CFAP45: variants seen among roughly 807,000 people sequenced by gnomAD.
CFAP45 encodes cilia and flagella associated protein 45.
A neutral mutation model predicts 75.6 loss-of-function variants in CFAP45; 43 were observed. The ratio of observed to expected loss-of-function variants is 0.57; its 90% CI spans 0.45 to 0.73. The LOEUF (loss-of-function observed/expected upper bound fraction) is 0.73. CFAP45 is among the 30% of genes least tolerant of loss of function. The pLI is 0.00. For missense variants in CFAP45, 689 were observed against 701.5 expected (o/e 0.98, Z 0.20); for synonymous variants, 223 against 244.6 (o/e 0.91, Z 0.82).
At chr1:159,874,005 C>A (rs768301912) in intron 10 of CFAP45, among the ~76,000 whole-genome samples, 3 of 151,748 alleles carry the variant, frequency 2.0e-5, no homozygotes, top group African/African-American at 4.8e-5. Flanking sequence ...CAGTTCTCTT[C>A]CTGATCCACC....
intron 4 of CFAP45, 70 bp downstream of exon 4, chr1:159,888,282 T>G: frequency 3.3e-5 from 50 of 1,501,108 alleles, no homozygotes; most frequent in Non-Finnish European, 4.5e-5. Flanking sequence ...GGTCCCCTGA[T>G]GAGAGTTCCC....
chr1:159,884,741 C>T (rs1446156782), intron 6 of CFAP45, among the ~76,000 whole-genome samples, 176 bp from the exon 7 acceptor site: 1 of 152,136 alleles, frequency 6.6e-6, no homozygotes, highest in Non-Finnish European at 1.5e-5. Context: ...CCAGGAAGGA[C>T]CTCAAGGGTT....
chr1:159,888,544 AG>A (rs777168136), intron 3 of CFAP45, 48 bp from the exon 4 acceptor site: 18 of 1,568,386 alleles, frequency 1.1e-5, no homozygotes, highest in Non-Finnish European at 1.5e-5. Context: ...GAAAGCTCTC[AG>A]CACCACACTT....
At position 159,888,333 on chromosome 1, in the gene CFAP45, G is replaced by A; in HGVS notation, c.417+19C>T. The A allele has an allele frequency of 6.2e-7, 1 of 1,613,358 alleles. No individual in the cohort carries two copies. On this transcript the variant is annotated intron_variant, in intron 4 of 11. Transcript: ENST00000368099. ...CTGCCACCCATCTGCAGAGGTGAAG[G>A]CTTAGGGAGGTTAACTACCATGGTG... is the stretch of plus-strand genomic sequence containing the variant.
At chr1:159,876,353 A>C in intron 10 of CFAP45, 2 of 594,828 alleles carry the variant, frequency 3.4e-6, no homozygotes, top group Non-Finnish European at 6.0e-6. Flanking sequence ...TCCAGGTGCT[A>C]TCTCCCAATT....
intron 1 of CFAP45, 143 bp from the exon 2 acceptor site, chr1:159,893,448 T>C (rs1488258388): frequency 1.3e-6 from 1 of 764,364 alleles, no homozygotes; most frequent in Non-Finnish European, 2.2e-6. Context: ...GTGTAAACTC[T>C]GAACCATAGG....
At chr1:159,873,428 G>A (rs1461680541) in intron 10 of CFAP45, 1 of 541,298 alleles carries the variant, frequency 1.8e-6, no homozygotes, top group Non-Finnish European at 3.3e-6. Flanking sequence ...AGGGCCCCCA[G>A]CTTGGTTTGA....
Position 159,887,885 on chromosome 1 carries a change from T to G in CFAP45, c.544A>C (p.Lys182Gln). 1 of 1,614,180 alleles carries G rather than the reference T, an allele frequency of 6.2e-7. No homozygotes were observed. Residue 182 changes from lysine (K) to glutamine (Q), a missense_variant, in exon 5 of 12, where the codon AAG (lysine) becomes CAG (glutamine). By Grantham distance (53) the Lys-to-Gln change is moderately conservative. Coordinates refer to ENST00000368099, the MANE Select transcript of CFAP45 (RefSeq NM_012337.3). ...RAQNLLQRANKLRMEQEEELK... is the reference protein window; with the variant it reads ...RAQNLLQRANQLRMEQEEELK... ...TCCTCCTCCTGCTCCATCCGCAGCT[T>G]GTTGGCTCTCTGCAGGAGGTTCTGG...
chr1:159,880,835 T>C, intron 7 of CFAP45, 135 bp from the exon 8 acceptor site: 1 of 726,684 alleles, frequency 1.4e-6, no homozygotes. Flanking sequence ...AACTATCCTT[T>C]GTTAAAGCTG....
chr1:159,875,486 G>C (rs1181422771), intron 10 of CFAP45, among the ~76,000 whole-genome samples: 1 of 152,200 alleles, frequency 6.6e-6, no homozygotes, highest in Non-Finnish European at 1.5e-5. Flanking sequence ...CTCTCGTAAG[G>C]ATAGAGGCTC....
chr1:159,886,370 G>T, intron 6 of CFAP45, 141 bp downstream of exon 6: 2 of 742,228 alleles, frequency 2.7e-6, no homozygotes, highest in Non-Finnish European at 2.3e-6. Context: ...GTGATTCTAT[G>T]TATCACTTCG....
rs574144320 is a variant in CFAP45 at position 159,877,332 on chromosome 1, C to T, written c.1158+17G>A. The T allele has an allele frequency of 7.1e-6, 11 of 1,545,710 alleles. No homozygotes were observed. The South Asian group carries it at 7.8e-5, about 11-fold the overall frequency. ...GGGAGTGGGAAAAGTAGAGGGAAGT[C>T]GAGACTAAGCAGGTACCTGTTCTGC... On this transcript the variant is annotated intron_variant, in intron 9 of 11. Transcript: ENST00000368099.
chr1:159,880,771 G>A lies in CFAP45; in HGVS notation c.898-71C>T. 2.7e-6 allele frequency: 4 copies of A among 1,467,710 alleles called. No homozygotes were observed. The Admixed American group carries it at 7.2e-5, about 26-fold the overall frequency. 90.9% of individuals were successfully genotyped at this position (1,467,710 alleles called of 1,614,324 possible). A position where few individuals can be genotyped will look rare whatever the true frequency, so the allele number is the denominator to read the frequency against. ...AAGAAGCCACTGGCATCCAGGGATA[G>A]AGAGATGCAGACAGAGGAGGGGGCA... On this transcript the variant is annotated intron_variant, in intron 7 of 11. Coordinates refer to ENST00000368099, the MANE Select transcript of CFAP45 (RefSeq NM_012337.3).
At chr1:159,896,314 G>A (rs1400058909) in intron 1 of CFAP45, among the ~76,000 whole-genome samples, 2 of 152,160 alleles carry the variant, frequency 1.3e-5, no homozygotes, top group Non-Finnish European at 2.9e-5. Flanking sequence ...AAAAACAGAT[G>A]ACCACAGAAA....
At position 159,873,025 on chromosome 1, in the gene CFAP45, T is replaced by C. The variant is rs1405460234; in HGVS notation, c.1496A>G (p.Glu499Gly). The change falls in exon 11 of 12, where the codon GAG becomes GGG. Residue 499 changes from glutamate (E) to glycine (G), a missense_variant. Transcript: ENST00000368099. ...GGCCTCCTCTTTGAGGCGCCGGCCC[T>C]CCTCAAAGGTGGCAATCCGGTTCTG... ...EVQNRIATFE[E>G]GRRLKEEAQK... is the part of the protein sequence containing the mutation. The C allele has an allele frequency of 1.7e-5, 28 of 1,614,108 alleles. No homozygotes were observed. Among genetic ancestry groups the C allele is most frequent in the South Asian group, 2.2e-5 (2 of 91,094 alleles).
intron 1 of CFAP45, among the ~76,000 whole-genome samples, 177 bp from the exon 2 acceptor site, chr1:159,893,482 G>T (rs1167774043): frequency 2.6e-5 from 4 of 152,188 alleles, no homozygotes. Flanking sequence ...CAGATGGAGG[G>T]CATCCCCACA....
Position 159,900,081 on chromosome 1 carries a change from G to T in CFAP45, c.3+15C>A, listed in dbSNP as rs764595803. On this transcript the variant is annotated intron_variant, in intron 1 of 11. Transcript: ENST00000368099. ...AATTCAGGACACAAGGGGCCCATCT[G>T]AGGTTCTCCCTCACCATCTCCTCAG... 1 of 1,614,024 alleles carries T rather than the reference G, an allele frequency of 6.2e-7. No individual in the cohort carries two copies. The highest frequency in any genetic ancestry group is 8.5e-7 in the Non-Finnish European group (1 of 1,179,958).
At chr1:159,873,361 T>G in intron 10 of CFAP45, 193 bp from the exon 11 acceptor site, 3 of 597,842 alleles carry the variant, frequency 5.0e-6, no homozygotes, top group Non-Finnish European at 8.9e-6. Flanking sequence ...CCCCTTCTCC[T>G]ACCCAGCCAG....
rs779208743 is a variant in CFAP45, at chr1:159,884,519, G to A, written c.814C>T (p.Arg272Ter). The stretch of plus-strand genomic sequence containing the variant: ...TCCCGCTGCTCAGCAAGCAGCGATC[G>A]CTCCTCCTGGTTCTTTTCCATCTGT... ...VEQMEKNQEERSLLAEQREQE... is the reference protein window; with the variant it reads ...VEQMEKNQEE Residue 272 changes from arginine to a stop codon, truncating the protein, a stop_gained, in exon 7 of 12, where the codon CGA becomes TGA. Coordinates refer to ENST00000368099, the MANE Select transcript of CFAP45 (RefSeq NM_012337.3). LOFTEE classifies it high-confidence loss of function. 33 of 1,613,498 alleles carry A rather than the reference G, an allele frequency of 2.0e-5. No homozygotes were observed. Among genetic ancestry groups the A allele is most frequent in the Admixed American group, 1.3e-4 (8 of 59,958 alleles).
Sources: gnomAD v4.1 joint callset for allele counts (sites outside exome capture counted in the v4.1 genomes callset) on GRCh38, gnomAD v4.1.1 for gene constraint, MANE v1.5 for transcripts, NCBI Gene and HGNC (gene_info 2026-07-23, HGNC 2026-07-21) for gene names.